The following FSTL4 variants were observed in gnomAD, a reference collection of about 807,000 sequenced individuals.
The protein encoded by FSTL4 is follistatin-related protein 4.
In FSTL4, 28 loss-of-function variants were observed where a neutral mutation model predicts 78.2. The observed-to-expected ratio is 0.36, with a 90% CI of 0.27 to 0.49. The LOEUF is 0.49. FSTL4 is among the 20% of genes least tolerant of loss of function. The probability of loss-of-function intolerance (pLI) is 0.98; values close to 1 mark genes in which losing one functional copy is unlikely to be tolerated. For synonymous variants in FSTL4, 422 were observed against 440.5 expected, an observed-to-expected ratio of 0.96 and a Z score of 0.53; for missense variants, 922 against 1,084.9, an observed-to-expected ratio of 0.85 and a Z score of 2.11.
intron 4 of FSTL4, among the ~76,000 whole-genome samples, chr5:133,378,936 A>G (rs1274320618): frequency 2.0e-5 from 3 of 152,180 alleles, no homozygotes; most frequent in African/African-American, 7.2e-5. Flanking sequence ...AACATATTAA[A>G]TGCTAATGAA....
chr5:133,445,003 G>T (rs554973022), intron 3 of FSTL4, among the ~76,000 whole-genome samples: 3 of 152,288 alleles, frequency 2.0e-5, no homozygotes, highest in Admixed American at 6.5e-5. Context: ...CTCCAAGCTG[G>T]GCGCAGATGG....
At chr5:133,458,684 G>A (rs116807728) in intron 3 of FSTL4, among the ~76,000 whole-genome samples, 2 of 152,362 alleles carry the variant, frequency 1.3e-5, no homozygotes, top group South Asian at 4.1e-4. Flanking sequence ...GCCCCCAGAT[G>A]ATGGGCAACT....
At chr5:133,458,618 C>T (rs777271821) in intron 3 of FSTL4, among the ~76,000 whole-genome samples, 37 of 152,234 alleles carry the variant, frequency 2.4e-4, no homozygotes, top group Non-Finnish European at 4.7e-4. Flanking sequence ...AGCCACATGT[C>T]CTCTCTGGGC....
intron 4 of FSTL4, among the ~76,000 whole-genome samples, chr5:133,339,784 C>A (rs1754544515): frequency 6.6e-6 from 1 of 152,162 alleles, no homozygotes. Context: ...GAAATCCAAC[C>A]CCTTTGCCTA....
At chr5:133,684,760 G>T in the FSTL4 span, among the ~76,000 whole-genome samples, 2 of 152,130 alleles carry the variant, frequency 1.3e-5, no homozygotes, top group African/African-American at 2.4e-5. Context: ...TATCACCCAC[G>T]GTGATGGCAG....
chr5:133,308,059 C>T (rs995423261), intron 6 of FSTL4, among the ~76,000 whole-genome samples: 2 of 152,142 alleles, frequency 1.3e-5, no homozygotes, highest in Non-Finnish European at 2.9e-5. Flanking sequence ...GGATTACAGG[C>T]GTGAGCCACC....
the FSTL4 span, among the ~76,000 whole-genome samples, chr5:133,649,311 G>A: frequency 8.1e-3 from 1,235 of 152,306 alleles, 16 homozygotes; most frequent in African/African-American, 0.028. Flanking sequence ...TATGAATAAA[G>A]CTGCTATAAA....
intron 6 of FSTL4, among the ~76,000 whole-genome samples, chr5:133,265,561 T>A (rs1217722974): frequency 1.3e-5 from 2 of 152,140 alleles, no homozygotes; most frequent in African/African-American, 4.8e-5. Context: ...CCCACAAAAA[T>A]AAATTTCAAT....
At position 133,553,128 on chromosome 5, in the gene FSTL4, A is replaced by G. The variant is rs566871303; in HGVS notation, c.160+14058T>C. On this transcript the variant is annotated intron_variant, in intron 3 of 15. Transcript: ENST00000265342. ...CTGACCTCCAGGGGGCGCGGGAGAG[A>G]GGGTGAGTCCCGCGGTACCCGGAAC... Among the ~76,000 whole-genome samples the G allele has an allele frequency of 8.2e-4, 125 of 152,236 alleles. 1 individual carries two copies. Among genetic ancestry groups the G allele is most frequent in the African/African-American group, 3.0e-3 (124 of 41,548 alleles).
Position 133,275,258 on chromosome 5 carries a change from T to G in FSTL4, c.728-25682A>C, listed in dbSNP as rs371784951. ...CAGCCTCGGTGACGGAGGGAAACTC[T>G]GTTATGAAGTTCAAAATGTGGCCAG... On this transcript the variant is annotated intron_variant, in intron 6 of 15. Coordinates refer to ENST00000265342, the MANE Select transcript of FSTL4 (RefSeq NM_015082.2). Among the ~76,000 whole-genome samples the G allele has an allele frequency of 4.0e-5, 6 of 150,946 alleles. No homozygotes were observed. The East Asian group carries it at 5.8e-4, about 15-fold the overall frequency.
chr5:133,369,820 G>A (rs1755253931), intron 4 of FSTL4, among the ~76,000 whole-genome samples: 2 of 152,174 alleles, frequency 1.3e-5, no homozygotes, highest in South Asian at 4.1e-4. Context: ...GCAGGGCTTA[G>A]TTAACCCATT....
chr5:133,550,511 G>A (rs867550607), intron 3 of FSTL4, among the ~76,000 whole-genome samples: 1 of 152,264 alleles, frequency 6.6e-6, no homozygotes, highest in Middle Eastern at 3.4e-3. Flanking sequence ...GTGAATAATA[G>A]CTAACAATGA....
chr5:133,218,955 G>A lies in FSTL4; in HGVS notation c.1459-1577C>T, dbSNP rs558597421. On this transcript the variant is annotated intron_variant, in intron 12 of 15. Coordinates refer to ENST00000265342, the MANE Select transcript of FSTL4 (RefSeq NM_015082.2). The stretch of plus-strand genomic sequence containing the variant: ...TAGTACAGTGCCTGGCACAGAGTCA[G>A]TGCTTAAAATGTATTTGCTGACAGA... 9.8e-5 allele frequency among the ~76,000 whole-genome samples: 15 copies of A among 152,366 alleles called. 1 individual carries two copies. In the South Asian group the frequency reaches 1.0e-3, roughly 11 times the overall value.
intron 14 of FSTL4, among the ~76,000 whole-genome samples, chr5:133,208,911 TCTGCCCACC>T (rs1750615627): frequency 1.3e-5 from 2 of 152,348 alleles, no homozygotes; most frequent in South Asian, 4.1e-4. Flanking sequence ...CCTCAGGTGA[TCTGCCCACC>T]TTGGCCTCCC....
At position 133,513,399 on chromosome 5, in the gene FSTL4, A is replaced by C. The variant is rs140468985; in HGVS notation, c.160+53787T>G. Among the ~76,000 whole-genome samples the C allele has an allele frequency of 2.9e-3, 437 of 152,330 alleles. 2 individuals carry two copies. Among genetic ancestry groups the C allele is most frequent in the African/African-American group, 0.01 (432 of 41,576 alleles). ...TTACCACTAGGACAAGCAGGAATAC[A>C]TGAAATTCACACCGACACAGTGGGT... is the stretch of plus-strand genomic sequence containing the variant. On this transcript the variant is annotated intron_variant, in intron 3 of 15. Transcript: ENST00000265342.
chr5:133,742,140 G>T, the FSTL4 span, among the ~76,000 whole-genome samples: 2 of 152,230 alleles, frequency 1.3e-5, no homozygotes, highest in African/African-American at 4.8e-5. Context: ...GGTCCACATG[G>T]TGACACAGCA....
rs534380406 is a variant in FSTL4, at chr5:133,337,342, C to T, written c.410-20690G>A. 7.4e-5 allele frequency among the ~76,000 whole-genome samples: 11 copies of T among 148,436 alleles called. No individual in the cohort carries two copies. The South Asian group carries it at 8.6e-4, about 12-fold the overall frequency. ...GCGGGCTGTTAAGCGTCCTCTGCAACGGACTCTTGCCCACACTTTCCCTAG... is the reference window on the plus strand; with the variant it reads ...GCGGGCTGTTAAGCGTCCTCTGCAATGGACTCTTGCCCACACTTTCCCTAG... On this transcript the variant is annotated intron_variant, in intron 4 of 15. Transcript: ENST00000265342.
At chr5:133,778,069 C>A in the FSTL4 span, among the ~76,000 whole-genome samples, 2 of 152,224 alleles carry the variant, frequency 1.3e-5, no homozygotes, top group African/African-American at 2.4e-5. Context: ...GGCCCCAAGG[C>A]TCTAGAGGTG....
chr5:133,638,328 T>A, the FSTL4 span, among the ~76,000 whole-genome samples: 6 of 152,130 alleles, frequency 3.9e-5, no homozygotes, highest in East Asian at 7.7e-4. Flanking sequence ...TCCTGTGAAA[T>A]AGCTGTTGGA....
Sources: gnomAD v4.1 joint callset for allele counts (sites outside exome capture counted in the v4.1 genomes callset) on GRCh38, gnomAD v4.1.1 for gene constraint, MANE v1.5 for transcripts, NCBI Gene and HGNC (gene_info 2026-07-23, HGNC 2026-07-21) for gene names.